The following KDM5C variants were observed in gnomAD, a reference collection of about 807,000 sequenced individuals.
The protein encoded by KDM5C is lysine-specific demethylase 5C.
Under a neutral mutation model 110.6 loss-of-function variants are expected in KDM5C, and 16 were observed. The ratio of observed to expected loss-of-function variants is 0.14; its 90% CI spans 0.10 to 0.22. The LOEUF (loss-of-function observed/expected upper bound fraction) is 0.22. Among genes scored for constraint, KDM5C ranks in the 10% least tolerant of loss-of-function variants. KDM5C has a pLI of 1.00. For missense variants in KDM5C, 681 were observed against 1,300.9 expected, an observed-to-expected ratio of 0.52 and a Z score of 7.33; for synonymous variants, 511 against 520.4, an observed-to-expected ratio of 0.98 and a Z score of 0.24.
At chrX:53,185,468 T>C (rs997893686) in intron 25 of KDM5C, among the ~76,000 whole-genome samples, 5 of 112,539 alleles carry the variant, frequency 4.4e-5, no homozygotes, top group Admixed American at 1.9e-4. Context: ...AAACTTGTCT[T>C]AAATCTCAGA....
intron 7 of KDM5C, 92 bp downstream of exon 7, chrX:53,215,703 T>C: frequency 1.0e-6 from 1 of 996,473 alleles, no homozygotes; most frequent in Non-Finnish European, 1.4e-6. Context: ...CCCGCTTTTG[T>C]GGTTAATGCG....
At chrX:53,197,108 G>C (rs1304636963) in intron 18 of KDM5C, 64 bp from the exon 19 acceptor site, 41 of 881,146 alleles carry the variant, frequency 4.7e-5, no homozygotes, top group Non-Finnish European at 5.7e-5. Flanking sequence ...TCCACCACCA[G>C]ATGGAACCTT....
At position 53,196,861 on chromosome X, in the gene KDM5C, G is replaced by C. The variant is rs782308622; in HGVS notation, c.2806C>G (p.Arg936Gly). Reference sequence around the variant, plus strand: ...CTTCGGGCTGAGGGGGCCAGTGTGCGTTTCACCTCATCCAGCCATCGCGCC... The same window carrying C: ...CTTCGGGCTGAGGGGGCCAGTGTGCCTTTCACCTCATCCAGCCATCGCGCC... ...EQARWLDEVK[R>G]TLAPSARRGT... Residue 936 changes from arginine to glycine, a missense_variant, in exon 19 of 26, where the codon CGC becomes GGC. By Grantham distance (125) the Arg-to-Gly change is moderately radical. This residue lies in a region of KDM5C where 123 missense variants were observed against 169.0 expected (regional missense o/e 0.73). Transcript: ENST00000375401. 2 of 1,206,163 alleles carry C rather than the reference G, an allele frequency of 1.7e-6. No individual in the cohort carries two copies.
At chrX:53,223,900 A>G (rs1230872972) in intron 1 of KDM5C, among the ~76,000 whole-genome samples, 1 of 112,007 alleles carries the variant, frequency 8.9e-6, no homozygotes, top group Non-Finnish European at 1.9e-5. Context: ...TCTCCATAGG[A>G]AGTCAAGTCT....
chrX:53,198,995 C>T lies in KDM5C; in HGVS notation c.2225G>A (p.Ser742Asn). The change falls in exon 15 of 26, where the codon AGT becomes AAT. Residue 742 changes from serine (S) to asparagine (N), a missense_variant. Ser to Asn is a conservative substitution (Grantham distance 46). This residue lies in a region of KDM5C where 42 missense variants were observed against 98.9 expected (regional missense o/e 0.42). Transcript: ENST00000375401. ...SHINDLCKCSSSRQYLRYRYT... is the reference protein window; with the variant it reads ...SHINDLCKCSNSRQYLRYRYT... Reference sequence around the variant, plus strand: ...TGCTCACCGCAGGTACTGCCGGCTACTGGAGCACTTGCAGAGATCATTGAT... The same window carrying T: ...TGCTCACCGCAGGTACTGCCGGCTATTGGAGCACTTGCAGAGATCATTGAT... 1 of 1,212,250 alleles carries T rather than the reference C, an allele frequency of 8.2e-7. No homozygotes were observed. The highest frequency in any genetic ancestry group is 1.1e-6 in the Non-Finnish European group (1 of 895,637).
downstream of KDM5C, chrX:53,191,625 G>A (rs1201948806): frequency 5.8e-6 from 1 of 172,984 alleles, no homozygotes; most frequent in African/African-American, 3.0e-5. Flanking sequence ...GGCATAACCT[G>A]TGGAGAAAAA....
rs138817146 is a variant in KDM5C at position 53,219,742 on chromosome X, G to T, written c.228+1097C>A. ...TCCTTGGCTGTGAGAACTCTCAAAG[G>T]GCAAGGAAGTGCTCCTTCAACCTCA... is the stretch of plus-strand genomic sequence containing the variant. On this transcript the variant is annotated intron_variant, in intron 2 of 25. Coordinates refer to ENST00000375401, the MANE Select transcript of KDM5C (RefSeq NM_004187.5). Among the ~76,000 whole-genome samples the T allele has an allele frequency of 7.1e-3, 794 of 112,320 alleles. 6 individuals carry two copies. The highest frequency in any genetic ancestry group is 0.03 in the East Asian group (105 of 3,558).
At position 53,224,907 on chromosome X, in the gene KDM5C, G is replaced by A. The variant is rs782282330; in HGVS notation, c.-18C>T. ...GGCTCCATGGTGGGCCCGAGGTCTG[G>A]GCCAGGGATCGGGAGGCTTGGACCG... is the stretch of plus-strand genomic sequence containing the variant. On this transcript the variant is annotated 5_prime_UTR_variant, in exon 1 of 26. Coordinates refer to ENST00000375401, the MANE Select transcript of KDM5C (RefSeq NM_004187.5). The A allele has an allele frequency of 1.7e-6, 2 of 1,197,352 alleles. No individual in the cohort carries two copies. Among genetic ancestry groups the A allele is most frequent in the East Asian group, 3.0e-5 (1 of 33,256 alleles).
chrX:53,195,086 G>T lies in KDM5C; in HGVS notation c.3301-18C>A. The T allele has an allele frequency of 8.3e-7, 1 of 1,205,305 alleles. No homozygotes were observed. ...CAGAGAACCTGGGGCAGGCAGACAA[G>T]AGAGGGAATGACTGGGCTTCCCTTA... is the stretch of plus-strand genomic sequence containing the variant. On this transcript the variant is annotated intron_variant, in intron 21 of 25. Coordinates refer to ENST00000375401, the MANE Select transcript of KDM5C (RefSeq NM_004187.5).
Position 53,217,859 on chromosome X carries a change from T to C in KDM5C, c.459A>G (p.Leu153=), listed in dbSNP as rs1191613720. 2.4e-5 allele frequency: 29 copies of C among 1,211,587 alleles called. No individual in the cohort carries two copies. Among genetic ancestry groups the C allele is most frequent in the Non-Finnish European group, 3.1e-5 (28 of 895,332 alleles). ...AAACAATGCGTTCGTAGTGGGAGCG[T>C]AGCAAGGAGCCAATATTTTTGCCTG... ...YPPGKNIGSL[L]RSHYERIVYP... Residue 153 remains leucine (L), a synonymous_variant, in exon 4 of 26, where the codon CTA becomes CTG. Coordinates refer to ENST00000375401, the MANE Select transcript of KDM5C (RefSeq NM_004187.5).
At chrX:53,188,167 T>C (rs1254201962), downstream of KDM5C, among the ~76,000 whole-genome samples, 4 of 111,847 alleles carry the variant, frequency 3.6e-5, no homozygotes, top group Non-Finnish European at 7.5e-5. Context: ...TTCTGGATTT[T>C]GGGGCAATGC....
rs782136080 is a variant in KDM5C, at chrX:53,182,245, TG to T, written c.4309-5624del. On this transcript the variant is annotated intron_variant, in intron 25 of 25. Coordinates refer to the KDM5C transcript ENST00000685641. ...GATTACAGGCATCCACCGCCAGGCC[TG>T]GCTAATTTTGTATTTTTAGTAGAGA... 2.0e-3 allele frequency among the ~76,000 whole-genome samples: 201 copies of T among 102,819 alleles called. 1 individual carries two copies. The South Asian group carries it at 0.021, about 11-fold the overall frequency. 89.3% of individuals were successfully genotyped at this position (102,819 alleles called of 115,157 possible).
At chrX:53,200,283 T>C (rs2073101732) in intron 14 of KDM5C, among the ~76,000 whole-genome samples, 1 of 111,634 alleles carries the variant, frequency 9.0e-6, no homozygotes, top group South Asian at 3.7e-4. Flanking sequence ...CTAGGGTTTT[T>C]TTGGACTACA....
chrX:53,195,496 G>T, intron 20 of KDM5C, 86 bp from the exon 21 acceptor site: 1 of 920,362 alleles, frequency 1.1e-6, no homozygotes, highest in Non-Finnish European at 1.5e-6. Context: ...CTGGAAAGAT[G>T]AACTGGGCTC....
chrX:53,179,326 C>CA lies in KDM5C; in HGVS notation c.4309-2705dup, dbSNP rs782262119. Among the ~76,000 whole-genome samples the CA allele has an allele frequency of 7.4e-3, 714 of 96,719 alleles. 7 individuals carry two copies. Among genetic ancestry groups the CA allele is most frequent in the African/African-American group, 0.023 (620 of 26,539 alleles). The allele number at this position is 96,719 out of a possible 115,157, so 84.0% of individuals were successfully genotyped here. A position where few individuals can be genotyped will look rare whatever the true frequency, so the allele number is the denominator to read the frequency against. On this transcript the variant is annotated intron_variant, in intron 25 of 25. Transcript: ENST00000685641. ...AGGTGACAGAGAGAGACTCCCTCTC[C>CA]AAAAAAAAAACAAGACACTGTCAAG...
At chrX:53,221,082 C>T (rs2073886217) in intron 1 of KDM5C, among the ~76,000 whole-genome samples, 166 bp from the exon 2 acceptor site, 1 of 100,707 alleles carries the variant, frequency 9.9e-6, no homozygotes, top group Non-Finnish European at 2.0e-5. Flanking sequence ...CCCACCTCCC[C>T]CCAGAACTCA....
At chrX:53,214,645 G>A in intron 8 of KDM5C, 44 bp downstream of exon 8, 5 of 1,178,244 alleles carry the variant, frequency 4.2e-6, no homozygotes, top group Non-Finnish European at 5.7e-6. Context: ...ATGAAGGAAG[G>A]CAAGGAAGCC....
At position 53,196,774 on chromosome X, in the gene KDM5C, C is replaced by G; in HGVS notation, c.2893G>C (p.Ala965Pro). The G allele has an allele frequency of 8.2e-7, 1 of 1,212,486 alleles. No homozygotes were observed. The highest frequency in any genetic ancestry group is 1.1e-6 in the Non-Finnish European group (1 of 895,606). ...VAGASVAPSP[A>P]VDKAQAELQE... ...AGCTCGGCCTGGGCTTTATCCACAGCAGGGCTAGGGGCTACACTGGCACCC... is the reference window on the plus strand; with the variant it reads ...AGCTCGGCCTGGGCTTTATCCACAGGAGGGCTAGGGGCTACACTGGCACCC... The change falls in exon 19 of 26, where the codon GCT (alanine) becomes CCT (proline). Residue 965 changes from alanine (A) to proline (P), a missense_variant. Physicochemically the swap from Ala to Pro is conservative, Grantham distance 27. Around this residue, in one of 14 missense-constraint regions of KDM5C, gnomAD observed 123 missense variants for 169.0 expected, o/e 0.73. Coordinates refer to ENST00000375401, the MANE Select transcript of KDM5C (RefSeq NM_004187.5).
chrX:53,207,171 CCTT>C, intron 12 of KDM5C, among the ~76,000 whole-genome samples: 1 of 45,445 alleles, frequency 2.2e-5, no homozygotes, highest in African/African-American at 6.5e-5. Flanking sequence ...GAGTGAGACT[CCTT>C]CTCCAAAAAA....
Sources: gnomAD v4.1 joint callset for allele counts (sites outside exome capture counted in the v4.1 genomes callset) on GRCh38, gnomAD v4.1.1 for gene constraint, gnomAD v4.1.1 regional missense constraint, MANE v1.5 for transcripts, NCBI Gene and HGNC (gene_info 2026-07-23, HGNC 2026-07-21) for gene names.